The following MFN1 variants were observed in gnomAD, a reference collection of about 807,000 sequenced individuals.
MFN1 encodes the protein mitofusin 1.
In MFN1, 65 loss-of-function variants were observed where a neutral mutation model predicts 92.4. The ratio of observed to expected loss-of-function variants is 0.70; its 90% CI spans 0.58 to 0.86. The LOEUF (loss-of-function observed/expected upper bound fraction) is 0.86. Ranked by LOEUF, MFN1 falls within the 40% of genes least tolerant of loss-of-function variation. MFN1 has a pLI of 0.00. For synonymous variants in MFN1, 297 were observed against 300.9 expected (o/e 0.99, Z 0.13); for missense variants, 781 against 868.0 (o/e 0.90, Z 1.26).
In MFN1 at chr3:179,352,952, A is replaced by G. The variant is rs372418761; in HGVS notation, c.248+917A>G. Among the ~76,000 whole-genome samples, 5 of 151,276 alleles carry G rather than the reference A, an allele frequency of 3.3e-5. 2 individuals carry two copies. The highest frequency in any genetic ancestry group is 6.6e-5 in the Admixed American group (1 of 15,178). On this transcript the variant is annotated intron_variant, in intron 3 of 17. Coordinates refer to ENST00000471841, the MANE Select transcript of MFN1 (RefSeq NM_033540.3). The stretch of plus-strand genomic sequence containing the variant: ...TTTTTAGTAGAGGTGGGGTTTCACC[A>G]TATTGGCCAGGCTAGTCTTGAACTC...
At position 179,348,276 on chromosome 3, in the gene MFN1, G is replaced by T. The variant is rs1398743288; in HGVS notation, c.-8+466G>T. On this transcript the variant is annotated intron_variant, in intron 1 of 17. Coordinates refer to ENST00000471841, the MANE Select transcript of MFN1 (RefSeq NM_033540.3). ...TACACACCAGGATTAGACCGTGATT[G>T]TTTGTCTTTGGTGTCTTTTTCTTGA... Among the ~76,000 whole-genome samples, 7 of 152,338 alleles carry T rather than the reference G, an allele frequency of 4.6e-5. No homozygotes were observed. In the East Asian group the frequency reaches 1.4e-3, roughly 29 times the overall value.
In MFN1 at chr3:179,367,505, T is replaced by C; in HGVS notation, c.820T>C (p.Leu274=). ...GGAGGAGCTCAAAGTTGTAAATGCT[T>C]TAGAAGCACAGAATCGTATCTTCTT... The part of the protein sequence containing the change: ...LVEELKVVNA[L]EAQNRIFFVS... The change falls in exon 8 of 18, where the codon TTA becomes CTA. Residue 274 remains leucine (L), a synonymous_variant. Transcript: ENST00000471841. The C allele has an allele frequency of 6.2e-7, 1 of 1,613,936 alleles. No homozygotes were observed. The highest frequency in any genetic ancestry group is 8.5e-7 in the Non-Finnish European group (1 of 1,179,908).
At chr3:179,369,584 G>T (rs73043498) in intron 9 of MFN1, among the ~76,000 whole-genome samples, 26,061 of 152,056 alleles carry the variant, frequency 0.17, 2,330 homozygotes, top group Admixed American at 0.24. Context: ...GAGGAGGTGG[G>T]AATGAGAAGA....
At chr3:179,349,237 C>T (rs1467070000) in intron 2 of MFN1, among the ~76,000 whole-genome samples, 3 of 152,148 alleles carry the variant, frequency 2.0e-5, no homozygotes, top group African/African-American at 7.2e-5. Context: ...TAATTTTCAT[C>T]ACCACCATCT....
intron 14 of MFN1, among the ~76,000 whole-genome samples, chr3:179,385,072 A>ATT (rs879634322): frequency 7.0e-6 from 1 of 143,758 alleles, no homozygotes; most frequent in African/African-American, 2.5e-5. Context: ...CGCTGGGCTA[A>ATT]TTTTTTTTTT....
rs1712872486 is a variant in MFN1 at position 179,368,025 on chromosome 3, G to C, written c.908-11G>C. ...ATACTAGGTTTTTAAATCTTTGCCT[G>C]TACGTTACAGGTGTGGCACTTGCTG... On this transcript the variant is annotated splice_polypyrimidine_tract_variant and intron_variant, in intron 8 of 17. Transcript: ENST00000471841. The C allele has an allele frequency of 1.3e-6, 2 of 1,512,194 alleles. No individual in the cohort carries two copies. Among genetic ancestry groups the C allele is most frequent in the East Asian group, 5.1e-5 (2 of 39,402 alleles). The allele number at this position is 1,512,194 out of a possible 1,614,324, so 93.7% of individuals were successfully genotyped here.
intron 2 of MFN1, among the ~76,000 whole-genome samples, chr3:179,350,376 A>AG (rs930832789): frequency 1.3e-5 from 2 of 152,122 alleles, no homozygotes; most frequent in Non-Finnish European, 2.9e-5. Context: ...ATGCTGAATG[A>AG]GAAAAAAAAA....
rs143333692 is a variant in MFN1 at position 179,377,732 on chromosome 3, G to A, written c.1329+284G>A. 0.01 allele frequency among the ~76,000 whole-genome samples: 1,566 copies of A among 152,212 alleles called. 53 individuals carry two copies. The South Asian group carries it at 0.11, about 11-fold the overall frequency. ...GAGGATCAGTTGGGCCCCAGAGTTC[G>A]AGACCAGCCTGGGCAACACAGTGAG... is the stretch of plus-strand genomic sequence containing the variant. On this transcript the variant is annotated intron_variant, in intron 12 of 17. Transcript: ENST00000471841.
At chr3:179,384,475 T>G (rs186039428) in intron 14 of MFN1, among the ~76,000 whole-genome samples, 3,896 of 152,242 alleles carry the variant, frequency 0.026, 185 homozygotes, top group African/African-American at 0.089. Context: ...ATTCAAAGCT[T>G]TTACCTATTT....
chr3:179,368,224 C>A, intron 9 of MFN1, 121 bp downstream of exon 9: 1 of 555,826 alleles, frequency 1.8e-6, no homozygotes, highest in Non-Finnish European at 2.7e-6. Context: ...AGTTTAGTTA[C>A]TGACACAGCC....
intron 9 of MFN1, 100 bp from the exon 10 acceptor site, chr3:179,375,120 T>C (rs1713187806): frequency 2.3e-6 from 3 of 1,281,910 alleles, no homozygotes; most frequent in Admixed American, 3.3e-5. Flanking sequence ...TCTTTATTTC[T>C]GTTTGGGTTA....
Position 179,378,645 on chromosome 3 carries a change from G to T in MFN1, c.1493G>T (p.Cys498Phe), listed in dbSNP as rs1713347416. The change falls in exon 14 of 18, where the codon TGC becomes TTC. Residue 498 changes from cysteine to phenylalanine, a missense_variant. Cys to Phe is a radical substitution (Grantham distance 205). Coordinates refer to ENST00000471841, the MANE Select transcript of MFN1 (RefSeq NM_033540.3). ...GATAAACTACATACACTGATCCCTT[G>T]CAAGAAATTTGATCTCAGTTATAAT... ...IQDKLHTLIP[C>F]KKFDLSYNLN... The T allele has an allele frequency of 1.9e-6, 3 of 1,613,616 alleles. No individual in the cohort carries two copies. Among genetic ancestry groups the T allele is most frequent in the Non-Finnish European group, 2.5e-6 (3 of 1,179,818 alleles).
chr3:179,372,658 T>A (rs1482503995), intron 9 of MFN1, among the ~76,000 whole-genome samples: 1 of 152,210 alleles, frequency 6.6e-6, no homozygotes, highest in Non-Finnish European at 1.5e-5. Flanking sequence ...TTATATATTT[T>A]TGAATCAGAC....
chr3:179,383,326 A>G (rs1382202242), intron 14 of MFN1, among the ~76,000 whole-genome samples: 1 of 152,198 alleles, frequency 6.6e-6, no homozygotes, highest in Non-Finnish European at 1.5e-5. Context: ...TAAATAGGGA[A>G]TCCTTTCCCC....
intron 17 of MFN1, among the ~76,000 whole-genome samples, chr3:179,390,498 A>G (rs1244506738): frequency 6.6e-6 from 1 of 152,190 alleles, no homozygotes; most frequent in African/African-American, 2.4e-5. Flanking sequence ...TCCAAGACCC[A>G]TAACTTCTGT....
chr3:179,367,373 C>G, intron 7 of MFN1, 66 bp from the exon 8 acceptor site: 1 of 1,390,952 alleles, frequency 7.2e-7, no homozygotes, highest in Non-Finnish European at 9.8e-7. Flanking sequence ...AAGTATTGGT[C>G]TATAGTCGTT....
At chr3:179,371,382 T>C (rs2108541632) in intron 9 of MFN1, among the ~76,000 whole-genome samples, 1 of 151,576 alleles carries the variant, frequency 6.6e-6, no homozygotes, top group East Asian at 1.9e-4. Flanking sequence ...ATATGATAGC[T>C]CATGACTATA....
At chr3:179,357,395 C>T (rs1712387354) in intron 3 of MFN1, among the ~76,000 whole-genome samples, 1 of 152,068 alleles carries the variant, frequency 6.6e-6, no homozygotes, top group Non-Finnish European at 1.5e-5. Context: ...CATGAAATGT[C>T]CAGAAAGATA....
At chr3:179,382,810 C>A (rs1390151789) in intron 14 of MFN1, among the ~76,000 whole-genome samples, 2 of 152,214 alleles carry the variant, frequency 1.3e-5, no homozygotes, top group Non-Finnish European at 2.9e-5. Context: ...ATTTGCATTT[C>A]TCTGATGGCC....
Sources: allele counts gnomAD v4.1 joint callset (sites outside exome capture counted in the v4.1 genomes callset), GRCh38; gene constraint gnomAD v4.1.1; transcripts MANE v1.5; gene names NCBI Gene and HGNC (gene_info 2026-07-23, HGNC 2026-07-21).